Variants in SLC22A25 observed in about 807,000 individuals in gnomAD.
The protein encoded by SLC22A25 is solute carrier family 22 member 25.
SLC22A25 carries 44 observed loss-of-function variants against 45.9 expected under a neutral mutation model. That is an observed-to-expected ratio of 0.96 (90% CI 0.75 to 1.23). The LOEUF is 1.23. Ranked by LOEUF, SLC22A25 falls within the 50% of genes most tolerant of loss-of-function variation. The pLI is 0.00. For synonymous variants in SLC22A25, 283 were observed against 238.6 expected, an observed-to-expected ratio of 1.19 and a Z score of -1.72; for missense variants, 800 against 666.4, an observed-to-expected ratio of 1.20 and a Z score of -2.21.
chr11:63,192,944 A>G (rs1295332515), intron 7 of SLC22A25, among the ~76,000 whole-genome samples: 1 of 152,210 alleles, frequency 6.6e-6, no homozygotes, highest in Non-Finnish European at 1.5e-5. Context: ...AAAATTAACA[A>G]AGATATTCAG....
At position 63,217,680 on chromosome 11, in the gene SLC22A25, T is replaced by A; in HGVS notation, c.562A>T (p.Thr188Ser). ...ATGGTGGGAGCAAAGGCCGCACAGG[T>A]GCCTACAATGGCGAGCTGGAGGTAA... ...WSYLQLAIVG[T>S]CAAFAPTILV... is the part of the protein sequence containing the mutation. Residue 188 changes from threonine (T) to serine (S), a missense_variant, in exon 6 of 12, where the codon ACC (threonine) becomes TCC (serine). Thr to Ser is a moderately conservative substitution (Grantham distance 58). Transcript: ENST00000306494. The A allele has an allele frequency of 1.2e-6, 2 of 1,613,808 alleles. No individual in the cohort carries two copies. The highest frequency in any genetic ancestry group is 1.7e-6 in the Non-Finnish European group (2 of 1,179,948).
At chr11:63,198,228 A>G (rs2089121414) in intron 7 of SLC22A25, among the ~76,000 whole-genome samples, 1 of 152,242 alleles carries the variant, frequency 6.6e-6, no homozygotes, top group African/African-American at 2.4e-5. Context: ...TACTGGGTAT[A>G]TATCCAAAGG....
At position 63,191,483 on chromosome 11, in the gene SLC22A25, C is replaced by T. The variant is rs562045156; in HGVS notation, c.831-7666G>A. 2.6e-5 allele frequency among the ~76,000 whole-genome samples: 4 copies of T among 152,310 alleles called. No individual in the cohort carries two copies. In the South Asian group the frequency reaches 6.2e-4, roughly 24 times the overall value. On this transcript the variant is annotated intron_variant, in intron 7 of 11. Coordinates refer to ENST00000306494, the MANE Select transcript of SLC22A25 (RefSeq NM_199352.6). Reference sequence around the variant, plus strand: ...ATTAGGAAAGGGAATTCCCTGATGCCTTGTGCTTCCTGGGTGAGGCAATGC... The same window carrying T: ...ATTAGGAAAGGGAATTCCCTGATGCTTTGTGCTTCCTGGGTGAGGCAATGC...
At chr11:63,212,144 C>A (rs1431185362) in intron 7 of SLC22A25, among the ~76,000 whole-genome samples, 9 of 151,886 alleles carry the variant, frequency 5.9e-5, no homozygotes, top group African/African-American at 9.7e-5. Context: ...GTTAGAATGG[C>A]GATCATTAAA....
intron 7 of SLC22A25, among the ~76,000 whole-genome samples, chr11:63,206,758 T>C (rs553308459): frequency 6.6e-6 from 1 of 152,284 alleles, no homozygotes; most frequent in East Asian, 1.9e-4. Context: ...AAATGACTTT[T>C]TCACAGAATT....
At chr11:63,212,344 G>A (rs2089592498) in intron 7 of SLC22A25, among the ~76,000 whole-genome samples, 1 of 152,166 alleles carries the variant, frequency 6.6e-6, no homozygotes, top group South Asian at 2.1e-4. Flanking sequence ...TATAAAACAT[G>A]CTGCTATAAA....
At chr11:63,191,552 C>G (rs1200688744) in intron 7 of SLC22A25, among the ~76,000 whole-genome samples, 1 of 152,070 alleles carries the variant, frequency 6.6e-6, no homozygotes, top group South Asian at 2.1e-4. Context: ...CACCCACTGT[C>G]CTGCACCCAC....
rs551253125 is a variant in SLC22A25, at chr11:63,202,084, C to T, written c.830+15230G>A. On this transcript the variant is annotated intron_variant, in intron 7 of 11. Coordinates refer to ENST00000306494, the MANE Select transcript of SLC22A25 (RefSeq NM_199352.6). ...CCTAGCCAAGGGAAGCCATGAGGGA[C>T]TGTGCTGTGAGGGACGGTGCATCTG... 7.9e-4 allele frequency among the ~76,000 whole-genome samples: 120 copies of T among 152,222 alleles called. 2 individuals are homozygous for T. The highest frequency in any genetic ancestry group is 7.8e-3 in the Admixed American group (119 of 15,284).
intron 5 of SLC22A25, among the ~76,000 whole-genome samples, chr11:63,226,342 C>G (rs1022393253): frequency 1.3e-5 from 2 of 152,184 alleles, no homozygotes; most frequent in Non-Finnish European, 2.9e-5. Flanking sequence ...AGTTTTTGAT[C>G]ACTGCAACCA....
At chr11:63,196,974 G>A (rs1273110606) in intron 7 of SLC22A25, among the ~76,000 whole-genome samples, 1 of 146,918 alleles carries the variant, frequency 6.8e-6, no homozygotes, top group Non-Finnish European at 1.5e-5. Flanking sequence ...GACACACAGA[G>A]AGCCAAACCA....
At chr11:63,171,122 G>A (rs2087866465) in intron 9 of SLC22A25, among the ~76,000 whole-genome samples, 1 of 151,814 alleles carries the variant, frequency 6.6e-6, no homozygotes, top group South Asian at 2.1e-4. Context: ...ACCCTTCATG[G>A]TAAACTACTC....
chr11:63,161,533 G>A lies in SLC22A25; in HGVS notation c.*2291C>T, dbSNP rs1367113693. Among the ~76,000 whole-genome samples the A allele has an allele frequency of 6.6e-6, 1 of 152,190 alleles. No homozygotes were observed. Among genetic ancestry groups the A allele is most frequent in the Non-Finnish European group, 1.5e-5 (1 of 68,028 alleles). On this transcript the variant is annotated 3_prime_UTR_variant, in exon 12 of 12. Transcript: ENST00000306494. ...TGGGAGGTAACTGAATCATGGGGGTGAGTGTTTCCCATGCTCTTCCTATGA... is the reference window on the plus strand; with the variant it reads ...TGGGAGGTAACTGAATCATGGGGGTAAGTGTTTCCCATGCTCTTCCTATGA...
In SLC22A25 at chr11:63,166,232, C is replaced by G. The variant is rs1306759879; in HGVS notation, c.1097G>C (p.Gly366Ala). ...CAGATGCTGGAGGTGCAAAGTAAGG[C>G]CCCAAAAAGGGATGGTACTTGCAAA... Reference protein sequence around the residue: ...VRFASTIPFWGLTLHLQHLGN... With the variant: ...VRFASTIPFWALTLHLQHLGN... The change falls in exon 10 of 12, where the codon GGC becomes GCC. Residue 366 changes from glycine to alanine, a missense_variant. Transcript: ENST00000306494. 2 of 1,613,796 alleles carry G rather than the reference C, an allele frequency of 1.2e-6. No homozygotes were observed. Among genetic ancestry groups the G allele is most frequent in the Non-Finnish European group, 1.7e-6 (2 of 1,179,882 alleles).
intron 7 of SLC22A25, among the ~76,000 whole-genome samples, chr11:63,213,412 C>T (rs140930457): frequency 1.3e-5 from 2 of 152,290 alleles, no homozygotes; most frequent in African/African-American, 4.8e-5. Flanking sequence ...CTGTTGGCAT[C>T]AGCTGGTAGC....
At chr11:63,172,155 A>G (rs1342383767) in intron 9 of SLC22A25, among the ~76,000 whole-genome samples, 2 of 152,108 alleles carry the variant, frequency 1.3e-5, no homozygotes, top group Admixed American at 1.3e-4. Context: ...CAAGATGGAT[A>G]AAAGACTTAA....
rs1241616679 is a variant in SLC22A25 at position 63,164,581 on chromosome 11, G to A, written c.1339C>T (p.Leu447Phe). 1.2e-6 allele frequency: 2 copies of A among 1,613,874 alleles called. No homozygotes were observed. Among genetic ancestry groups the A allele is most frequent in the East Asian group, 2.2e-5 (1 of 44,850 alleles). ...TGGGCAGTAGAACAGGTAATGCCAA[G>A]AGAAGCAGCTCCCACACCCAGGGTT... is the stretch of plus-strand genomic sequence containing the variant. ...LATLGVGAASLGITCSTAQEN... is the reference protein window; with the variant it reads ...LATLGVGAASFGITCSTAQEN... The change falls in exon 11 of 12, where the codon CTT (leucine) becomes TTT (phenylalanine). Residue 447 changes from leucine to phenylalanine, a missense_variant. Coordinates refer to ENST00000306494, the MANE Select transcript of SLC22A25 (RefSeq NM_199352.6).
chr11:63,194,039 C>A (rs948009742), intron 7 of SLC22A25, among the ~76,000 whole-genome samples: 1 of 151,920 alleles, frequency 6.6e-6, no homozygotes, highest in Admixed American at 6.6e-5. Flanking sequence ...GTAGCCAATT[C>A]GATCAAGTGG....
At chr11:63,206,859 C>A (rs949273599) in intron 7 of SLC22A25, among the ~76,000 whole-genome samples, 2 of 152,214 alleles carry the variant, frequency 1.3e-5, no homozygotes, top group Non-Finnish European at 2.9e-5. Flanking sequence ...CTGGAGGCAT[C>A]ATGTTACCTG....
At chr11:63,232,037 C>T (rs2134847618) in intron 3 of SLC22A25, among the ~76,000 whole-genome samples, 1 of 152,238 alleles carries the variant, frequency 6.6e-6, no homozygotes, top group African/African-American at 2.4e-5. Flanking sequence ...TTACTGTAGC[C>T]TTGTAGTATA....
Sources: allele counts gnomAD v4.1 joint callset (sites outside exome capture counted in the v4.1 genomes callset), GRCh38; gene constraint gnomAD v4.1.1; transcripts MANE v1.5; gene names NCBI Gene and HGNC (gene_info 2026-07-23, HGNC 2026-07-21).